The following CSMD1 variants were observed in gnomAD, a reference collection of about 807,000 sequenced individuals.
CSMD1 encodes the protein CUB and sushi domain-containing protein 1.
In CSMD1, 213 loss-of-function variants were observed where a neutral mutation model predicts 417.5. The ratio of observed to expected loss-of-function variants is 0.51; its 90% CI spans 0.46 to 0.57. The LOEUF is 0.57. CSMD1 is among the 20% of genes least tolerant of loss of function. CSMD1 has a pLI of 0.00. For synonymous variants in CSMD1, 2,862 were observed against 1,736.8 expected, an observed-to-expected ratio of 1.65 and a Z score of -16.11; for missense variants, 6,923 against 4,529.7, an observed-to-expected ratio of 1.53 and a Z score of -15.17.
At chr8:4,902,251 G>C (rs967415541) in intron 1 of CSMD1, among the ~76,000 whole-genome samples, 5 of 149,226 alleles carry the variant, frequency 3.4e-5, no homozygotes, top group Non-Finnish European at 7.4e-5. Flanking sequence ...CCATTAAAAA[G>C]ACAAAACATC....
chr8:4,166,044 C>G (rs1412237603), intron 3 of CSMD1, among the ~76,000 whole-genome samples: 3 of 152,126 alleles, frequency 2.0e-5, no homozygotes, highest in African/African-American at 7.2e-5. Flanking sequence ...TATTTACATG[C>G]TCACACTTTA....
intron 2 of CSMD1, among the ~76,000 whole-genome samples, chr8:4,631,366 C>A (rs900469679): frequency 6.8e-6 from 1 of 147,502 alleles, no homozygotes; most frequent in African/African-American, 2.5e-5. Context: ...AGTCTCAAGA[C>A]AATAAAATAA....
intron 26 of CSMD1, among the ~76,000 whole-genome samples, chr8:3,237,012 G>C (rs1799193273): frequency 6.6e-6 from 1 of 152,022 alleles, no homozygotes; most frequent in Admixed American, 6.6e-5. Flanking sequence ...ATGCCAGTCA[G>C]CTTGAGCAAC....
chr8:4,650,249 G>T lies in CSMD1; in HGVS notation c.86-12691C>A, dbSNP rs558931081. 1.1e-4 allele frequency among the ~76,000 whole-genome samples: 17 copies of T among 150,844 alleles called. No homozygotes were observed. The South Asian group carries it at 3.6e-3, about 32-fold the overall frequency. Reference sequence around the variant, plus strand: ...AGTCCCAGCTACTCGGGAGGCTGAGGCAGGAGAATGGCGTGAACCCGGGAG... The same window carrying T: ...AGTCCCAGCTACTCGGGAGGCTGAGTCAGGAGAATGGCGTGAACCCGGGAG... On this transcript the variant is annotated intron_variant, in intron 1 of 69. Coordinates refer to ENST00000635120, the MANE Select transcript of CSMD1 (RefSeq NM_033225.6).
At chr8:4,581,646 G>A (rs1045846414) in intron 2 of CSMD1, among the ~76,000 whole-genome samples, 2 of 152,192 alleles carry the variant, frequency 1.3e-5, no homozygotes, top group Non-Finnish European at 2.9e-5. Context: ...AAAGTTAGTG[G>A]AAAGGGGAGT....
At chr8:3,266,555 G>A (rs1166910305) in intron 26 of CSMD1, among the ~76,000 whole-genome samples, 2 of 136,040 alleles carry the variant, frequency 1.5e-5, no homozygotes, top group Non-Finnish European at 1.5e-5. Flanking sequence ...GCAGTGAGCC[G>A]AGATCATGCC....
intron 3 of CSMD1, among the ~76,000 whole-genome samples, chr8:4,172,981 T>C (rs190442733): frequency 3.1e-4 from 47 of 152,246 alleles, no homozygotes; most frequent in African/African-American, 9.9e-4. Flanking sequence ...CATGCTCAGA[T>C]TCCTGACCCA....
intron 8 of CSMD1, among the ~76,000 whole-genome samples, chr8:3,607,383 T>C (rs77923034): frequency 0.033 from 5,037 of 152,296 alleles, 130 homozygotes; most frequent in Middle Eastern, 0.095. Context: ...TTGTGTTTTT[T>C]ATAAGCAGAC....
intron 2 of CSMD1, among the ~76,000 whole-genome samples, chr8:4,516,045 C>G (rs934733927): frequency 8.6e-5 from 13 of 152,026 alleles, no homozygotes; most frequent in Non-Finnish European, 1.8e-4. Flanking sequence ...TTCTGTCTTC[C>G]CAAAACTGCT....
intron 49 of CSMD1, among the ~76,000 whole-genome samples, chr8:3,073,906 T>C (rs1466453901): frequency 6.6e-6 from 1 of 152,198 alleles, no homozygotes; most frequent in East Asian, 1.9e-4. Flanking sequence ...TTAAGAAGAT[T>C]GGCAATTATA....
chr8:2,955,516 A>G (rs1802935064), intron 64 of CSMD1, 73 bp downstream of exon 64: 2 of 1,484,054 alleles, frequency 1.3e-6, no homozygotes, highest in East Asian at 4.5e-5. Context: ...ACACGTGGAC[A>G]CTAGCCTGAT....
chr8:4,150,291 G>T (rs188573741), intron 3 of CSMD1, among the ~76,000 whole-genome samples: 306 of 152,238 alleles, frequency 2.0e-3, no homozygotes, highest in African/African-American at 6.9e-3. Flanking sequence ...AAGTCTCCAA[G>T]CTTCCTCAGC....
chr8:4,898,833 C>T (rs999694749), intron 1 of CSMD1, among the ~76,000 whole-genome samples: 9 of 152,044 alleles, frequency 5.9e-5, no homozygotes, highest in South Asian at 2.1e-4. Context: ...AAAGTTGTGG[C>T]AGGACAGAAA....
At chr8:4,190,657 A>G (rs1798970671) in intron 3 of CSMD1, among the ~76,000 whole-genome samples, 2 of 152,210 alleles carry the variant, frequency 1.3e-5, no homozygotes, top group Non-Finnish European at 2.9e-5. Flanking sequence ...TGAGACTGAA[A>G]TCTTTGACTA....
In CSMD1 at chr8:4,787,681, C is replaced by G. The variant is rs185553819; in HGVS notation, c.86-150123G>C. On this transcript the variant is annotated intron_variant, in intron 1 of 69. Transcript: ENST00000635120. ...TCAAGGAAGGATATAAGTTTACCCACCTAAAGTGGAGTTGTTTTTCAAGGA... is the reference window on the plus strand; with the variant it reads ...TCAAGGAAGGATATAAGTTTACCCAGCTAAAGTGGAGTTGTTTTTCAAGGA... The G allele has an allele frequency of 6.9e-4, 1,091 of 1,590,528 alleles. 1 individual carries two copies. The highest frequency in any genetic ancestry group is 2.2e-3 in the Admixed American group (133 of 59,904).
At chr8:3,570,968 T>C (rs769784711) in intron 10 of CSMD1, among the ~76,000 whole-genome samples, 1 of 152,198 alleles carries the variant, frequency 6.6e-6, no homozygotes, top group African/African-American at 2.4e-5. Context: ...TATAGGCACA[T>C]CTTTCATATA....
chr8:4,516,599 C>A (rs1043895585), intron 2 of CSMD1, among the ~76,000 whole-genome samples: 30 of 152,104 alleles, frequency 2.0e-4, no homozygotes, highest in African/African-American at 7.0e-4. Flanking sequence ...TGTATGGGGT[C>A]TCCCTTCTCA....
chr8:4,221,153 A>G (rs1455323673), intron 3 of CSMD1, among the ~76,000 whole-genome samples: 1 of 152,182 alleles, frequency 6.6e-6, no homozygotes, highest in Admixed American at 6.5e-5. Context: ...GAGGAATATC[A>G]CTGAAGCTCC....
chr8:4,446,749 GTGTGTC>G (rs1355010011), intron 2 of CSMD1, among the ~76,000 whole-genome samples: 1,128 of 106,806 alleles, frequency 0.011, 11 homozygotes, highest in African/African-American at 0.035. Context: ...GTGTGTGTGT[GTGTGTC>G]TGTGTGTGTG....
Sources: gnomAD v4.1 joint callset for allele counts (sites outside exome capture counted in the v4.1 genomes callset) on GRCh38, gnomAD v4.1.1 for gene constraint, MANE v1.5 for transcripts, NCBI Gene and HGNC (gene_info 2026-07-23, HGNC 2026-07-21) for gene names.